MYOCD: variants seen among roughly 807,000 people sequenced by gnomAD.
MYOCD encodes the protein myocardin.
MYOCD carries 32 observed loss-of-function variants against 96.1 expected under a neutral mutation model. The observed-to-expected ratio is 0.33, with a 90% CI of 0.25 to 0.45. The LOEUF is 0.45. Among genes scored for constraint, MYOCD ranks in the 20% least tolerant of loss-of-function variants. The probability of loss-of-function intolerance (pLI) is 1.00; values close to 1 mark genes in which losing one functional copy is unlikely to be tolerated. For synonymous variants in MYOCD, 469 were observed against 469.0 expected (o/e 1.00, Z 0.00); for missense variants, 1,133 against 1,200.6 (o/e 0.94, Z 0.83).
rs1176204939 is a variant in MYOCD at position 12,697,347 on chromosome 17, ATATATATATATATTTT to A, written c.56-7779_56-7764del. Among the ~76,000 whole-genome samples, 10 of 82,008 alleles carry A rather than the reference ATATATATATATATTTT, an allele frequency of 1.2e-4. No homozygotes were observed. In the South Asian group the frequency reaches 3.4e-3, roughly 28 times the overall value. 53.8% of individuals were successfully genotyped at this position (82,008 alleles called of 152,430 possible). A position where few individuals can be genotyped will look rare whatever the true frequency, so the allele number is the denominator to read the frequency against. ...TTCTGGTATAGGAGTATATATATATATATATATATATATTTTTTTTTTTTTTTTTTTTTGAGACGGG... is the reference window on the plus strand; with the variant it reads ...TTCTGGTATAGGAGTATATATATATATTTTTTTTTTTTTTTTTGAGACGGG... On this transcript the variant is annotated intron_variant, in intron 1 of 13. Transcript: ENST00000425538.
chr17:12,681,432 A>C (rs544022613), intron 1 of MYOCD, among the ~76,000 whole-genome samples: 1 of 152,278 alleles, frequency 6.6e-6, no homozygotes, highest in East Asian at 1.9e-4. Context: ...ACAAACTGAG[A>C]GTGTGGTGCT....
intron 6 of MYOCD, among the ~76,000 whole-genome samples, chr17:12,738,301 C>A (rs1303775032): frequency 6.6e-6 from 1 of 152,030 alleles, no homozygotes. Flanking sequence ...TCATTCCTCA[C>A]CCCCCATGGA....
chr17:12,692,008 G>A (rs75041196), intron 1 of MYOCD, among the ~76,000 whole-genome samples: 4,580 of 152,224 alleles, frequency 0.03, 176 homozygotes, highest in Admixed American at 0.11. Context: ...GGAATTATCA[G>A]CATGAGAGAG....
intron 2 of MYOCD, among the ~76,000 whole-genome samples, chr17:12,714,521 C>A (rs982170229): frequency 3.3e-5 from 5 of 151,944 alleles, no homozygotes; most frequent in African/African-American, 7.3e-5. Flanking sequence ...GAAAAAAAAT[C>A]AATGCAAGTC....
At chr17:12,698,127 G>A (rs753418480) in intron 1 of MYOCD, among the ~76,000 whole-genome samples, 3 of 152,122 alleles carry the variant, frequency 2.0e-5, no homozygotes, top group South Asian at 2.1e-4. Flanking sequence ...GATGCTATAC[G>A]AAGTAATCTT....
rs767964230 is a variant in MYOCD, at chr17:12,760,730, C to A, written c.2389+23C>A. On this transcript the variant is annotated intron_variant, in intron 13 of 13. Transcript: ENST00000425538. ...GAGGTAAGACTGCCTGTGTCCTGTC[C>A]ATTAGGACATTCTGAGCCCACATGA... is the stretch of plus-strand genomic sequence containing the variant. The A allele has an allele frequency of 7.5e-6, 12 of 1,591,698 alleles. No individual in the cohort carries two copies. In the South Asian group the frequency reaches 1.3e-4, roughly 18 times the overall value.
At chr17:12,714,498 A>G (rs1184044918) in intron 2 of MYOCD, among the ~76,000 whole-genome samples, 3 of 151,768 alleles carry the variant, frequency 2.0e-5, no homozygotes, top group Non-Finnish European at 2.9e-5. Flanking sequence ...TTGTCCAGAC[A>G]TACAATTCAG....
At chr17:12,729,249 A>C (rs893359543) in intron 5 of MYOCD, among the ~76,000 whole-genome samples, 5 of 152,238 alleles carry the variant, frequency 3.3e-5, no homozygotes, top group African/African-American at 1.2e-4. Flanking sequence ...ACACTGAGGC[A>C]TACGTGACAA....
At chr17:12,711,017 G>T (rs1226198123) in intron 2 of MYOCD, among the ~76,000 whole-genome samples, 1 of 152,190 alleles carries the variant, frequency 6.6e-6, no homozygotes, top group Non-Finnish European at 1.5e-5. Context: ...CTCCAAGTAT[G>T]CTAGCCAGGT....
At chr17:12,729,922 G>T (rs1419050880) in intron 5 of MYOCD, among the ~76,000 whole-genome samples, 1 of 152,070 alleles carries the variant, frequency 6.6e-6, no homozygotes, top group Non-Finnish European at 1.5e-5. Flanking sequence ...GTGGCCCTAG[G>T]ATCAGGTGTA....
chr17:12,756,675 G>A, intron 11 of MYOCD, 118 bp downstream of exon 11: 3 of 347,676 alleles, frequency 8.6e-6, no homozygotes, highest in African/African-American at 2.5e-5. Context: ...CAGCCCAGGT[G>A]ACAGAGCGAG....
At chr17:12,688,968 C>CAGTGGAAT in intron 1 of MYOCD, among the ~76,000 whole-genome samples, 1 of 152,302 alleles carries the variant, frequency 6.6e-6, no homozygotes, top group South Asian at 2.1e-4. Context: ...AATTAGTTGT[C>CAGTGGAAT]AGTGGAATAG....
chr17:12,723,269 T>C (rs1016283850), intron 5 of MYOCD, among the ~76,000 whole-genome samples: 3 of 152,188 alleles, frequency 2.0e-5, no homozygotes, highest in African/African-American at 7.2e-5. Context: ...CCAGGTGTAA[T>C]GCTCAAAACA....
At chr17:12,693,038 G>T (rs977252593) in intron 1 of MYOCD, among the ~76,000 whole-genome samples, 1 of 152,056 alleles carries the variant, frequency 6.6e-6, no homozygotes, top group African/African-American at 2.4e-5. Flanking sequence ...AGCTACAAGC[G>T]TGGAATCTAG....
In MYOCD at chr17:12,738,980, CAT is replaced by C. The variant is rs201223559; in HGVS notation, c.592-221_592-220del. ...ATATATATGTATATATGTATATACA[CAT>C]AAACATATTTATATGTGTATACACA... On this transcript the variant is annotated intron_variant, in intron 6 of 13. Coordinates refer to ENST00000425538, the MANE Select transcript of MYOCD (RefSeq NM_001146312.3). Among the ~76,000 whole-genome samples the C allele has an allele frequency of 1.9e-3, 286 of 152,048 alleles. 6 individuals carry two copies. In the East Asian group the frequency reaches 0.042, roughly 22 times the overall value.
At chr17:12,746,995 T>C (rs2032684136) in intron 9 of MYOCD, among the ~76,000 whole-genome samples, 1 of 151,650 alleles carries the variant, frequency 6.6e-6, no homozygotes, top group Admixed American at 6.6e-5. Flanking sequence ...CCCAAAGTGC[T>C]GGGATTACAG....
At chr17:12,746,642 G>A (rs1037476345) in intron 9 of MYOCD, among the ~76,000 whole-genome samples, 2 of 151,400 alleles carry the variant, frequency 1.3e-5, no homozygotes, top group Admixed American at 6.6e-5. Context: ...GATCCCTCTA[G>A]ATACACATGC....
intron 7 of MYOCD, among the ~76,000 whole-genome samples, chr17:12,742,311 A>C (rs368687974): frequency 6.6e-6 from 1 of 152,178 alleles, no homozygotes; most frequent in African/African-American, 2.4e-5. Context: ...GGAAAACAAA[A>C]GAGCCTTTGG....
At chr17:12,732,164 G>C (rs2032193745) in intron 5 of MYOCD, among the ~76,000 whole-genome samples, 3 of 152,146 alleles carry the variant, frequency 2.0e-5, no homozygotes, top group Non-Finnish European at 4.4e-5. Flanking sequence ...GCGGGATGTA[G>C]TTCCATGCAC....
Sources: allele counts gnomAD v4.1 joint callset (sites outside exome capture counted in the v4.1 genomes callset), GRCh38; gene constraint gnomAD v4.1.1; transcripts MANE v1.5; gene names NCBI Gene and HGNC (gene_info 2026-07-23, HGNC 2026-07-21).